The following ROBO1 variants were observed in gnomAD, a reference collection of about 807,000 sequenced individuals.
ROBO1 encodes roundabout guidance receptor 1, also known as roundabout homolog 1.
Under a neutral mutation model 195.9 loss-of-function variants are expected in ROBO1, and 149 were observed. The ratio of observed to expected loss-of-function variants is 0.76; its 90% CI spans 0.67 to 0.87. The LOEUF (loss-of-function observed/expected upper bound fraction) is 0.87. Among genes scored for constraint, ROBO1 ranks in the 40% least tolerant of loss-of-function variants. The probability of loss-of-function intolerance (pLI) is 0.00; values close to 1 mark genes in which losing one functional copy is unlikely to be tolerated. For missense variants in ROBO1, 1,933 were observed against 2,068.3 expected, an observed-to-expected ratio of 0.93 and a Z score of 1.27; for synonymous variants, 816 against 733.2, an observed-to-expected ratio of 1.11 and a Z score of -1.82.
chr3:78,882,812 CTTT>C (rs34634729), intron 4 of ROBO1, among the ~76,000 whole-genome samples: 1 of 136,470 alleles, frequency 7.3e-6, no homozygotes, highest in Admixed American at 7.6e-5. Flanking sequence ...TCTTCCTAAT[CTTT>C]TTTTTTTTTT....
chr3:78,953,413 T>C (rs2040887911), intron 3 of ROBO1, among the ~76,000 whole-genome samples: 1 of 152,082 alleles, frequency 6.6e-6, no homozygotes, highest in African/African-American at 2.4e-5. Context: ...CAATCTCCCA[T>C]CCACCAATTT....
At chr3:79,486,789 AGAAG>A (rs1939181393) in intron 2 of ROBO1, among the ~76,000 whole-genome samples, 1 of 152,178 alleles carries the variant, frequency 6.6e-6, no homozygotes, top group Non-Finnish European at 1.5e-5. Flanking sequence ...GCAAATAAAA[AGAAG>A]CAAATATCCA....
At chr3:78,604,861 C>T (rs1703377227) in intron 29 of ROBO1, among the ~76,000 whole-genome samples, 1 of 152,220 alleles carries the variant, frequency 6.6e-6, no homozygotes, top group Admixed American at 6.5e-5. Flanking sequence ...TTGCTGATTC[C>T]TCAACTAATA....
At chr3:79,607,686 G>A (rs1490187802) in intron 1 of ROBO1, among the ~76,000 whole-genome samples, 1 of 149,510 alleles carries the variant, frequency 6.7e-6, no homozygotes, top group East Asian at 2.0e-4. Flanking sequence ...AATTTTTTCT[G>A]ATGAAAGTGA....
intron 2 of ROBO1, among the ~76,000 whole-genome samples, chr3:79,401,847 G>A (rs780967253): frequency 1.8e-4 from 28 of 151,744 alleles, no homozygotes; most frequent in Non-Finnish European, 3.1e-4. Context: ...GGCAAAGACA[G>A]CACTGAAATT....
At chr3:79,237,310 G>A (rs762298135) in intron 2 of ROBO1, among the ~76,000 whole-genome samples, 4 of 151,954 alleles carry the variant, frequency 2.6e-5, no homozygotes, top group Admixed American at 6.6e-5. Context: ...TTGAAACTCC[G>A]TGTCTACTAA....
chr3:79,766,151 T>C (rs1252157411), intron 1 of ROBO1, among the ~76,000 whole-genome samples: 1 of 151,972 alleles, frequency 6.6e-6, no homozygotes, highest in Non-Finnish European at 1.5e-5. Context: ...CTGCCCCCTT[T>C]AGTGCCGCAG....
chr3:78,767,085 T>C (rs1035923316), intron 4 of ROBO1, among the ~76,000 whole-genome samples: 1 of 152,126 alleles, frequency 6.6e-6, no homozygotes, highest in Non-Finnish European at 1.5e-5. Flanking sequence ...TTTCCTTTTT[T>C]GGTAATATCC....
chr3:79,422,123 A>ATATTATATACAATACATATTTTATG (rs1203455339), intron 2 of ROBO1, among the ~76,000 whole-genome samples: 6 of 148,262 alleles, frequency 4.0e-5, no homozygotes, highest in Admixed American at 1.4e-4. Context: ...TATTTTATGC[A>ATATTATATACAATACATATTTTATG]TATTATATAC....
intron 1 of ROBO1, among the ~76,000 whole-genome samples, chr3:79,764,017 T>G (rs1355581238): frequency 1.3e-5 from 2 of 152,210 alleles, no homozygotes; most frequent in African/African-American, 4.8e-5. Context: ...AGAACTTGTT[T>G]TTAATCCTGG....
intron 2 of ROBO1, among the ~76,000 whole-genome samples, chr3:79,213,509 C>A (rs2082001628): frequency 6.6e-6 from 1 of 152,012 alleles, no homozygotes; most frequent in Admixed American, 6.6e-5. Context: ...TGTATGCTGT[C>A]TCTAACCACT....
intron 2 of ROBO1, among the ~76,000 whole-genome samples, chr3:79,477,212 A>G (rs770850552): frequency 6.6e-6 from 1 of 152,190 alleles, no homozygotes; most frequent in African/African-American, 2.4e-5. Context: ...TAATATAGGC[A>G]TATCATTATT....
At chr3:79,672,738 T>C (rs1946667153) in intron 1 of ROBO1, among the ~76,000 whole-genome samples, 1 of 151,928 alleles carries the variant, frequency 6.6e-6, no homozygotes, top group African/African-American at 2.4e-5. Context: ...ACAACACTGC[T>C]TCAAAAGTGG....
chr3:78,890,972 C>T (rs922127234), intron 4 of ROBO1, among the ~76,000 whole-genome samples: 1 of 152,062 alleles, frequency 6.6e-6, no homozygotes, highest in Non-Finnish European at 1.5e-5. Flanking sequence ...TCAGGCTGGC[C>T]TCAAGCAAGT....
chr3:79,619,502 A>G (rs181278814), intron 1 of ROBO1, among the ~76,000 whole-genome samples: 104 of 152,094 alleles, frequency 6.8e-4, no homozygotes, highest in African/African-American at 2.3e-3. Flanking sequence ...ACATTTCTCC[A>G]TCCTACAAGA....
chr3:79,134,771 A>G (rs1009406741), intron 2 of ROBO1, among the ~76,000 whole-genome samples: 4 of 81,632 alleles, frequency 4.9e-5, no homozygotes, highest in Admixed American at 1.5e-4. Flanking sequence ...CATCATTCTC[A>G]GTAAACTATC....
intron 2 of ROBO1, among the ~76,000 whole-genome samples, chr3:79,532,157 A>G (rs1941687057): frequency 6.6e-6 from 1 of 152,204 alleles, no homozygotes; most frequent in African/African-American, 2.4e-5. Context: ...AGTCCTAGAC[A>G]TGTTGAACAT....
At chr3:79,460,342 A>G (rs1358494714) in intron 2 of ROBO1, among the ~76,000 whole-genome samples, 1 of 152,206 alleles carries the variant, frequency 6.6e-6, no homozygotes, top group African/African-American at 2.4e-5. Flanking sequence ...AATTTACAAA[A>G]TCTATTACCT....
chr3:79,478,235 C>A (rs545238508), intron 2 of ROBO1, among the ~76,000 whole-genome samples: 3 of 152,162 alleles, frequency 2.0e-5, no homozygotes, highest in African/African-American at 7.2e-5. Context: ...AGTTGCCAAA[C>A]GATCGTCTTG....
Sources: gnomAD v4.1 joint callset for allele counts (sites outside exome capture counted in the v4.1 genomes callset) on GRCh38, gnomAD v4.1.1 for gene constraint, MANE v1.5 for transcripts, NCBI Gene and HGNC (gene_info 2026-07-23, HGNC 2026-07-21) for gene names.